The following RP1 variants were observed in gnomAD, a reference collection of about 807,000 sequenced individuals.
RP1 encodes RP1 axonemal microtubule associated.
Under a neutral mutation model 14.8 loss-of-function variants are expected in RP1, and 16 were observed. The observed-to-expected ratio is 1.08, with a 90% CI of 0.73 to 1.65. The LOEUF is 1.65. Ranked by LOEUF, RP1 falls within the 40% of genes most tolerant of loss-of-function variation. RP1 has a pLI of 0.00. For missense variants in RP1, 2,631 were observed against 2,535.0 expected (o/e 1.04, Z -0.81); for synonymous variants, 876 against 883.6 (o/e 0.99, Z 0.15).
At chr8:54,691,642 A>G (rs1807711864) in intron 12 of RP1, among the ~76,000 whole-genome samples, 1 of 152,014 alleles carries the variant, frequency 6.6e-6, no homozygotes, top group South Asian at 2.1e-4. Context: ...GTAGTCATTT[A>G]AAGATAGAAC....
chr8:54,633,479 A>G (rs138525825), downstream of RP1, among the ~76,000 whole-genome samples: 1 of 152,236 alleles, frequency 6.6e-6, no homozygotes, highest in African/African-American at 2.4e-5. Flanking sequence ...TTGAAACTAC[A>G]TTCCATATTT....
At chr8:54,832,105 A>G (rs7818883) in intron 24 of RP1, among the ~76,000 whole-genome samples, 8,711 of 151,780 alleles carry the variant, frequency 0.057, 791 homozygotes, top group African/African-American at 0.19. Context: ...ATCAGTTACT[A>G]TGATCTTACT....
At chr8:54,643,319 A>G (rs2129323309) in intron 3 of RP1, among the ~76,000 whole-genome samples, 1 of 152,338 alleles carries the variant, frequency 6.6e-6, no homozygotes, top group African/African-American at 2.4e-5. Flanking sequence ...GATACAGAAC[A>G]ATTCTATCCC....
At chr8:54,781,953 A>G (rs1164902284) in intron 23 of RP1, among the ~76,000 whole-genome samples, 1 of 152,136 alleles carries the variant, frequency 6.6e-6, no homozygotes, top group African/African-American at 2.4e-5. Flanking sequence ...CCAAGCTTCT[A>G]TGCAAACTTA....
intron 3 of RP1, chr8:54,648,853 G>A: frequency 2.0e-6 from 1 of 510,860 alleles, no homozygotes. Context: ...TTCTGTTATG[G>A]CACTTTTTCA....
At chr8:54,719,217 C>T (rs769422086) in intron 15 of RP1, among the ~76,000 whole-genome samples, 1 of 152,170 alleles carries the variant, frequency 6.6e-6, no homozygotes, top group African/African-American at 2.4e-5. Flanking sequence ...ACCCCCAGCT[C>T]ACCTTCCCCT....
intron 24 of RP1, among the ~76,000 whole-genome samples, chr8:54,793,308 A>C (rs970829409): frequency 6.6e-6 from 1 of 151,946 alleles, no homozygotes; most frequent in African/African-American, 2.4e-5. Context: ...AAGTGGAGGG[A>C]ATACTTCCAA....
At chr8:54,757,232 GC>G (rs1421783841) in intron 21 of RP1, among the ~76,000 whole-genome samples, 3 of 152,162 alleles carry the variant, frequency 2.0e-5, no homozygotes, top group Non-Finnish European at 4.4e-5. Flanking sequence ...CACTCATTGG[GC>G]TAGTTGTCAT....
chr8:54,842,399 G>A (rs770208055), intron 25 of RP1, among the ~76,000 whole-genome samples: 2 of 152,174 alleles, frequency 1.3e-5, no homozygotes, highest in African/African-American at 2.4e-5. Flanking sequence ...GCAAAGAAGG[G>A]CTCTGAATCA....
chr8:54,721,474 A>G (rs1274456076), intron 16 of RP1, among the ~76,000 whole-genome samples: 1 of 152,264 alleles, frequency 6.6e-6, no homozygotes, highest in Non-Finnish European at 1.5e-5. Context: ...AGAAATGACC[A>G]GAAAGCAGGT....
chr8:54,786,332 G>A (rs1223910172), intron 24 of RP1, among the ~76,000 whole-genome samples: 1 of 152,052 alleles, frequency 6.6e-6, no homozygotes, highest in Non-Finnish European at 1.5e-5. Flanking sequence ...GAAGTCAGAA[G>A]TTAACCTTAT....
chr8:54,734,680 C>T (rs1330515392), exon 18 of RP1: 1 of 1,535,712 alleles, frequency 6.5e-7, no homozygotes, highest in East Asian at 2.4e-5. Context: ...GTCACTGGGC[C>T]AATAAGTCTT....
rs1437452951 is a variant in RP1 at position 54,629,056 on chromosome 8, A to T, written c.5174A>T (p.Gln1725Leu). 6.2e-6 allele frequency: 10 copies of T among 1,614,010 alleles called. No homozygotes were observed. In the East Asian group the frequency reaches 2.0e-4, roughly 32 times the overall value. ...GACATTGTAGAACCTGGTACAAAAC[A>T]AAATGATGATAGCAGAATCCTCACA... ...RGDIVEPGTK[Q>L]NDDSRILTDI... Residue 1725 changes from glutamine (Q) to leucine (L), a missense_variant, in exon 4 of 4, where the codon CAA (glutamine) becomes CTA (leucine). Transcript: ENST00000220676.
intron 1 of RP1, among the ~76,000 whole-genome samples, chr8:54,559,674 G>A (rs920647675): frequency 2.0e-5 from 3 of 152,196 alleles, no homozygotes; most frequent in African/African-American, 7.2e-5. Context: ...TGATCTTTAA[G>A]GCCTGGGGAA....
intron 1 of RP1, among the ~76,000 whole-genome samples, chr8:54,586,443 C>T (rs1237898142): frequency 6.6e-6 from 1 of 152,208 alleles, no homozygotes; most frequent in African/African-American, 2.4e-5. Flanking sequence ...ACTCAGGGGT[C>T]AGGGACCCAC....
Position 54,831,290 on chromosome 8 carries a change from T to G in RP1, c.3616-6160T>G, listed in dbSNP as rs76865750. On this transcript the variant is annotated intron_variant, in intron 24 of 28. Coordinates refer to the RP1 transcript ENST00000637698. The stretch of plus-strand genomic sequence containing the variant: ...ATGAGAACTACCAAATGTTTTCACA[T>G]AGTGGCTGCACCTTATTGTTGTTTT... Among the ~76,000 whole-genome samples, 831 of 152,100 alleles carry G rather than the reference T, an allele frequency of 5.5e-3. 9 individuals carry two copies. Among genetic ancestry groups the G allele is most frequent in the African/African-American group, 0.019 (786 of 41,566 alleles).
intron 15 of RP1, among the ~76,000 whole-genome samples, chr8:54,710,617 G>C (rs1808273824): frequency 6.6e-6 from 1 of 152,196 alleles, no homozygotes; most frequent in Non-Finnish European, 1.5e-5. Context: ...TTGAAGGATG[G>C]TGAATGTGGA....
intron 24 of RP1, among the ~76,000 whole-genome samples, chr8:54,814,588 G>A (rs144091358): frequency 3.8e-4 from 58 of 152,240 alleles, no homozygotes; most frequent in Middle Eastern, 3.4e-3. Context: ...AAGGAACACT[G>A]GACATAGAAT....
chr8:54,815,420 A>G (rs1199736763), intron 24 of RP1, among the ~76,000 whole-genome samples: 1 of 152,352 alleles, frequency 6.6e-6, no homozygotes, highest in East Asian at 1.9e-4. Context: ...ATTTGCATCA[A>G]CTCAAGGAAG....
Sources: gnomAD v4.1 joint callset for allele counts (sites outside exome capture counted in the v4.1 genomes callset) on GRCh38, gnomAD v4.1.1 for gene constraint, MANE v1.5 for transcripts, NCBI Gene and HGNC (gene_info 2026-07-23, HGNC 2026-07-21) for gene names.